PHPT1: variants seen among roughly 807,000 people sequenced by gnomAD.
PHPT1 encodes 14 kDa phosphohistidine phosphatase.
PHPT1 carries 16 observed loss-of-function variants against 15.6 expected under a neutral mutation model. The observed-to-expected ratio is 1.03, with a 90% CI of 0.70 to 1.56. The LOEUF (loss-of-function observed/expected upper bound fraction) is 1.56, where lower values mean the gene tolerates loss of function less well. PHPT1 is among the 40% of genes most tolerant of loss of function. The pLI, the probability that PHPT1 is intolerant of heterozygous loss-of-function variation, is 0.00. For synonymous variants in PHPT1, 102 were observed against 68.1 expected (o/e 1.50, Z -2.45); for missense variants, 228 against 171.0 (o/e 1.33, Z -1.86).
At chr9:136,849,613 T>C in intron 1 of PHPT1, 23 bp downstream of exon 1, 1 of 1,243,724 alleles carries the variant, frequency 8.0e-7, no homozygotes, top group Non-Finnish European at 1.1e-6. Flanking sequence ...CCTGCGGGCA[T>C]GCCAGGGGCA....
chr9:136,850,297 T>C, intron 2 of PHPT1, 160 bp downstream of exon 2: 1 of 951,612 alleles, frequency 1.1e-6, no homozygotes, highest in Non-Finnish European at 1.6e-6. Flanking sequence ...CCCATTGTGT[T>C]CCTGCATTCC....
rs1327196537 is a variant in PHPT1 at position 136,850,148 on chromosome 9, GC to G, written c.285+15del. 1 of 1,612,886 alleles carries G rather than the reference GC, an allele frequency of 6.2e-7. No homozygotes were observed. Among genetic ancestry groups the G allele is most frequent in the Non-Finnish European group, 8.5e-7 (1 of 1,179,834 alleles). ...TACGGCTATTCCATGGTGAGCCGCA[GC>G]CCCGTCCCGCCCTGCCGGAGGCCCC... is the stretch of plus-strand genomic sequence containing the variant. On this transcript the variant is annotated intron_variant, in intron 2 of 2. Coordinates refer to ENST00000247665, the MANE Select transcript of PHPT1 (RefSeq NM_014172.6).
In PHPT1 at chr9:136,850,019, T is replaced by C; in HGVS notation, c.167T>C (p.Ile56Thr). Reference protein sequence around the residue: ...GYKWAEYHADIYDKVSGDMQK... With the variant: ...GYKWAEYHADTYDKVSGDMQK... ...GGCCGCCCTCCCATCCCAGCGGACATCTACGACAAAGTGTCGGGCGACATG... is the reference window on the plus strand; with the variant it reads ...GGCCGCCCTCCCATCCCAGCGGACACCTACGACAAAGTGTCGGGCGACATG... The change falls in exon 2 of 3, where the codon ATC (isoleucine) becomes ACC (threonine). Residue 56 changes from isoleucine to threonine, a missense_variant. Ile to Thr is a moderately conservative substitution (Grantham distance 89, BLOSUM62 -1). Coordinates refer to ENST00000247665, the MANE Select transcript of PHPT1 (RefSeq NM_014172.6). The C allele has an allele frequency of 1.2e-6, 2 of 1,612,262 alleles. No homozygotes were observed. Among genetic ancestry groups the C allele is most frequent in the South Asian group, 2.2e-5 (2 of 90,988 alleles).
intron 1 of PHPT1, 52 bp downstream of exon 1, chr9:136,849,642 C>A: frequency 5.4e-6 from 1 of 186,470 alleles, no homozygotes; most frequent in Non-Finnish European, 9.5e-6. Flanking sequence ...GAGGCGGGGG[C>A]GGGGCTGGCG....
At position 136,850,035 on chromosome 9, in the gene PHPT1, G is replaced by T; in HGVS notation, c.183G>T (p.Ser61=). ...EYHADIYDKV[S]GDMQKQGCDC... ...CAGCGGACATCTACGACAAAGTGTCGGGCGACATGCAGAAGCAAGGCTGCG... is the reference window on the plus strand; with the variant it reads ...CAGCGGACATCTACGACAAAGTGTCTGGCGACATGCAGAAGCAAGGCTGCG... Residue 61 remains serine, a synonymous_variant, in exon 2 of 3, where the codon TCG becomes TCT. Transcript: ENST00000247665. 1.2e-6 allele frequency: 2 copies of T among 1,612,826 alleles called. No homozygotes were observed. Among genetic ancestry groups the T allele is most frequent in the African/African-American group, 2.7e-5 (2 of 75,040 alleles).
Position 136,850,786 on chromosome 9 carries a change from CTG to C in PHPT1, c.318_319del (p.Lys108AsnfsTer14). 1.2e-6 allele frequency: 2 copies of C among 1,613,254 alleles called. No individual in the cohort carries two copies. Among genetic ancestry groups the C allele is most frequent in the Non-Finnish European group, 1.7e-6 (2 of 1,179,938 alleles). Reference sequence around the variant, plus strand: ...GGTCCTGCCCAGCACGCCATTTCAACTGAGAAAATCAAAGCCAAGTACCCCGA... The same window carrying C: ...GGTCCTGCCCAGCACGCCATTTCAACAGAAAATCAAAGCCAAGTACCCCGA... On this transcript the variant is annotated frameshift_variant, in exon 3 of 3. Coordinates refer to ENST00000247665, the MANE Select transcript of PHPT1 (RefSeq NM_014172.6). LOFTEE classifies it high-confidence loss of function.
chr9:136,849,459 C>A lies in PHPT1; in HGVS notation c.29C>A (p.Pro10His). 1 of 1,610,752 alleles carries A rather than the reference C, an allele frequency of 6.2e-7. No individual in the cohort carries two copies. The highest frequency in any genetic ancestry group is 8.5e-7 in the Non-Finnish European group (1 of 1,179,006). Reference protein sequence around the residue: MAVADLALIPDVDIDSDGVF... With the variant: MAVADLALIHDVDIDSDGVF... ...GCGGTGGCGGACCTCGCTCTCATTC[C>A]TGATGTGGACATCGACTCCGACGGC... Residue 10 changes from proline (P) to histidine (H), a missense_variant, in exon 1 of 3, where the codon CCT becomes CAT. By Grantham distance (77) the Pro-to-His change is moderately conservative (BLOSUM62 -2). Transcript: ENST00000247665.
rs1848901560 is a variant in PHPT1, at chr9:136,850,876, C to T, written c.*29C>T. ...CTCCCAGCCCGGGGCCTGCTGCCTC[C>T]AGCAGCCACTTCAGAGCCCCCGCCT... is the stretch of plus-strand genomic sequence containing the variant. On this transcript the variant is annotated 3_prime_UTR_variant, in exon 3 of 3. Transcript: ENST00000247665. 2 of 1,539,242 alleles carry T rather than the reference C, an allele frequency of 1.3e-6. No homozygotes were observed. The highest frequency in any genetic ancestry group is 9.0e-7 in the Non-Finnish European group (1 of 1,113,116).
chr9:136,849,763 C>A, intron 1 of PHPT1, 173 bp downstream of exon 1: 1 of 772,328 alleles, frequency 1.3e-6, no homozygotes, highest in Non-Finnish European at 2.0e-6. Context: ...TAGGTTTGAC[C>A]CAGGCTGAGG....
At chr9:136,849,843 C>G (rs903831505) in intron 1 of PHPT1, 170 bp from the exon 2 acceptor site, 28 of 792,678 alleles carry the variant, frequency 3.5e-5, no homozygotes, top group Non-Finnish European at 5.4e-5. Flanking sequence ...GCGCCCTCCC[C>G]GGTTCCACCC....
chr9:136,849,443 G>T lies in PHPT1; in HGVS notation c.13G>T (p.Asp5Tyr), dbSNP rs139029614. ...CGGGAGGAGGAACATGGCGGTGGCG[G>T]ACCTCGCTCTCATTCCTGATGTGGA... Reference protein sequence around the residue: MAVADLALIPDVDID... With the variant: MAVAYLALIPDVDID... Residue 5 changes from aspartate (D) to tyrosine (Y), a missense_variant, in exon 1 of 3, where the codon GAC becomes TAC. By Grantham distance (160) the Asp-to-Tyr change is radical (BLOSUM62 -3). Transcript: ENST00000247665. 9.3e-6 allele frequency: 15 copies of T among 1,604,924 alleles called. No homozygotes were observed. Among genetic ancestry groups the T allele is most frequent in the Admixed American group, 1.7e-5 (1 of 59,446 alleles).
At chr9:136,849,798 GGCCTGACACCCTCCCCA>G (rs1564381848) in intron 1 of PHPT1, 198 bp from the exon 2 acceptor site, 6 of 698,924 alleles carry the variant, frequency 8.6e-6, no homozygotes, top group Non-Finnish European at 1.4e-5. Context: ...GGCGTGACAC[GGCCTGACACCCTCCCCA>G]GCAGTCTCCC....
intron 2 of PHPT1, chr9:136,850,448 C>G: frequency 6.7e-7 from 1 of 1,489,702 alleles, no homozygotes; most frequent in Non-Finnish European, 9.3e-7. Flanking sequence ...CAGAGGCAGT[C>G]AGTACCTGGG....
chr9:136,850,629 G>T (rs557981334), intron 2 of PHPT1, 126 bp from the exon 3 acceptor site: 1 of 1,513,732 alleles, frequency 6.6e-7, no homozygotes, highest in Admixed American at 1.7e-5. Context: ...GGTGGGTTTG[G>T]CATCCCCAGG....
In PHPT1 at chr9:136,849,754, A is replaced by G. The variant is rs1013601499; in HGVS notation, c.160+164A>G. 2.3e-5 allele frequency: 18 copies of G among 778,320 alleles called. No homozygotes were observed. The African/African-American group carries it at 2.6e-4, about 11-fold the overall frequency. 48.2% of individuals were successfully genotyped at this position (778,320 alleles called of 1,614,324 possible). ...CTCTGCTCCGAGTCCTGCCCCTGCTAGGTTTGACCCAGGCTGAGGTCCTGG... is the reference window on the plus strand; with the variant it reads ...CTCTGCTCCGAGTCCTGCCCCTGCTGGGTTTGACCCAGGCTGAGGTCCTGG... On this transcript the variant is annotated intron_variant, in intron 1 of 2. Transcript: ENST00000247665.
rs528701312 is a variant in PHPT1, at chr9:136,850,165, C to T, written c.285+28C>T. 8.1e-6 allele frequency: 13 copies of T among 1,612,714 alleles called. No individual in the cohort carries two copies. In the East Asian group the frequency reaches 1.6e-4, roughly 19 times the overall value. On this transcript the variant is annotated intron_variant, in intron 2 of 2. Transcript: ENST00000247665. Reference sequence around the variant, plus strand: ...GAGCCGCAGCCCCGTCCCGCCCTGCCGGAGGCCCCAGTACCAGCTTCGAGG... The same window carrying T: ...GAGCCGCAGCCCCGTCCCGCCCTGCTGGAGGCCCCAGTACCAGCTTCGAGG...
At chr9:136,849,651 C>T in intron 1 of PHPT1, 61 bp downstream of exon 1, 3 of 192,494 alleles carry the variant, frequency 1.6e-5, no homozygotes, top group Admixed American at 5.4e-5. Context: ...GCGGGGCTGG[C>T]GGGACGGAGA....
intron 2 of PHPT1, chr9:136,850,523 C>T: frequency 6.2e-7 from 1 of 1,612,046 alleles, no homozygotes; most frequent in Non-Finnish European, 8.5e-7. Context: ...CCACGTGCGT[C>T]CCTCTGGGCG....
At chr9:136,849,856 C>G (rs370880014) in intron 1 of PHPT1, 157 bp from the exon 2 acceptor site, 36 of 848,542 alleles carry the variant, frequency 4.2e-5, no homozygotes, top group East Asian at 2.2e-4. Flanking sequence ...TTCCACCCTC[C>G]TTCGCTCATT....
Sources: gnomAD v4.1 joint callset for allele counts on GRCh38, gnomAD v4.1.1 for gene constraint, MANE v1.5 for transcripts, NCBI Gene and HGNC (gene_info 2026-07-23, HGNC 2026-07-21) for gene names.